The following GRM8 variants were observed in gnomAD, a reference collection of about 807,000 sequenced individuals.
GRM8 encodes glutamate metabotropic receptor 8.
In GRM8, 47 loss-of-function variants were observed where a neutral mutation model predicts 87.2. The ratio of observed to expected loss-of-function variants is 0.54; its 90% CI spans 0.43 to 0.69. GRM8 has a LOEUF of 0.69. Among genes scored for constraint, GRM8 ranks in the 30% least tolerant of loss-of-function variants. The pLI, the probability that GRM8 is intolerant of heterozygous loss-of-function variation, is 0.00. For missense variants in GRM8, 1,019 were observed against 1,139.2 expected, an observed-to-expected ratio of 0.89 and a Z score of 1.52; for synonymous variants, 396 against 404.5, an observed-to-expected ratio of 0.98 and a Z score of 0.25.
At chr7:127,071,790 A>T (rs1821717837) in intron 3 of GRM8, among the ~76,000 whole-genome samples, 1 of 151,138 alleles carries the variant, frequency 6.6e-6, no homozygotes, top group South Asian at 2.1e-4. Context: ...ATATATACAT[A>T]TTTTTTTTTG....
chr7:126,950,608 T>G (rs950948623), intron 3 of GRM8, among the ~76,000 whole-genome samples: 2 of 152,158 alleles, frequency 1.3e-5, no homozygotes, highest in Non-Finnish European at 2.9e-5. Context: ...GAGTAAAAAT[T>G]AGTACATTTA....
At chr7:126,626,992 G>A (rs1392654234) in intron 7 of GRM8, among the ~76,000 whole-genome samples, 1 of 152,102 alleles carries the variant, frequency 6.6e-6, no homozygotes. Flanking sequence ...TCCTAACCAT[G>A]TGTATTGCTT....
chr7:127,103,603 A>G (rs1444397874), intron 3 of GRM8, among the ~76,000 whole-genome samples: 1 of 152,196 alleles, frequency 6.6e-6, no homozygotes, highest in Non-Finnish European at 1.5e-5. Flanking sequence ...ACACACCTCC[A>G]TTGTCTAGAA....
At chr7:127,100,518 A>G (rs1251552206) in intron 3 of GRM8, among the ~76,000 whole-genome samples, 1 of 152,162 alleles carries the variant, frequency 6.6e-6, no homozygotes, top group African/African-American at 2.4e-5. Flanking sequence ...ACAAAGATAT[A>G]CCCAAGACTG....
At chr7:126,471,800 A>G (rs1048783815) in intron 9 of GRM8, among the ~76,000 whole-genome samples, 48 of 151,822 alleles carry the variant, frequency 3.2e-4, no homozygotes, top group Non-Finnish European at 6.5e-4. Flanking sequence ...CATTTTCATG[A>G]TATTGATTCT....
intron 6 of GRM8, among the ~76,000 whole-genome samples, chr7:126,889,790 C>T (rs56007384): frequency 0.025 from 3,803 of 152,038 alleles, 146 homozygotes; most frequent in African/African-American, 0.086. Flanking sequence ...TGACTTAATT[C>T]AGAATTTCTA....
intron 6 of GRM8, among the ~76,000 whole-genome samples, chr7:126,876,221 A>G (rs112202155): frequency 0.011 from 1,635 of 152,240 alleles, 21 homozygotes; most frequent in African/African-American, 0.037. Flanking sequence ...GCTAGAAACC[A>G]TGTCTTAATT....
At chr7:127,222,967 G>T (rs188738590) in intron 2 of GRM8, among the ~76,000 whole-genome samples, 3 of 152,106 alleles carry the variant, frequency 2.0e-5, no homozygotes, top group South Asian at 4.1e-4. Context: ...ATTAATGGAC[G>T]TTCTCAAAAG....
intron 9 of GRM8, among the ~76,000 whole-genome samples, chr7:126,492,018 C>G (rs1220554607): frequency 6.6e-6 from 1 of 152,080 alleles, no homozygotes; most frequent in African/African-American, 2.4e-5. Flanking sequence ...TTCCCACAAG[C>G]CTTAAAAATT....
chr7:126,864,822 TC>T, intron 6 of GRM8, among the ~76,000 whole-genome samples: 1 of 152,292 alleles, frequency 6.6e-6, no homozygotes, highest in African/African-American at 2.4e-5. Flanking sequence ...AGAAATCATT[TC>T]TATAGTACAA....
chr7:127,213,689 C>T (rs1796355971), intron 2 of GRM8, among the ~76,000 whole-genome samples: 1 of 152,192 alleles, frequency 6.6e-6, no homozygotes, highest in African/African-American at 2.4e-5. Context: ...TTCCAAATCA[C>T]TGATTCTTTC....
intron 2 of GRM8, among the ~76,000 whole-genome samples, chr7:127,206,518 A>G (rs1039955532): frequency 3.3e-5 from 5 of 152,006 alleles, no homozygotes; most frequent in African/African-American, 1.2e-4. Flanking sequence ...GATATATATG[A>G]AAATGGTTTT....
intron 3 of GRM8, among the ~76,000 whole-genome samples, chr7:126,977,692 A>AT (rs1482855219): frequency 6.6e-6 from 1 of 152,234 alleles, no homozygotes; most frequent in Admixed American, 6.5e-5. Context: ...AAACGGTGTT[A>AT]ACTAGTGCAT....
chr7:126,806,301 G>A (rs1792699441), intron 6 of GRM8, among the ~76,000 whole-genome samples: 1 of 152,204 alleles, frequency 6.6e-6, no homozygotes, highest in Non-Finnish European at 1.5e-5. Context: ...TGGGTTCGTG[G>A]TCTCGCGGCC....
intron 2 of GRM8, among the ~76,000 whole-genome samples, chr7:127,178,187 C>T (rs1250581241): frequency 6.6e-6 from 1 of 152,080 alleles, no homozygotes; most frequent in Non-Finnish European, 1.5e-5. Flanking sequence ...TTTAGACACA[C>T]TTTTAGAAAT....
chr7:127,129,871 G>A (rs2133218352), intron 2 of GRM8, among the ~76,000 whole-genome samples: 1 of 152,256 alleles, frequency 6.6e-6, no homozygotes, highest in East Asian at 1.9e-4. Flanking sequence ...TCATTTCTCA[G>A]TAATAGAATT....
chr7:127,052,960 A>G (rs922339665), intron 3 of GRM8, among the ~76,000 whole-genome samples: 7 of 152,156 alleles, frequency 4.6e-5, no homozygotes, highest in African/African-American at 1.7e-4. Context: ...CTAATTTATT[A>G]TTTACTACAA....
intron 2 of GRM8, among the ~76,000 whole-genome samples, chr7:127,207,724 C>G (rs180877676): frequency 3.2e-4 from 48 of 152,230 alleles, no homozygotes; most frequent in Non-Finnish European, 5.0e-4. Flanking sequence ...CCAGACCCGT[C>G]TCATTACATC....
chr7:127,040,778 A>G (rs1818360069), intron 3 of GRM8, among the ~76,000 whole-genome samples: 1 of 152,172 alleles, frequency 6.6e-6, no homozygotes, highest in Admixed American at 6.5e-5. Context: ...TCTGCTTCTC[A>G]CCTTTCAAGC....
Sources: allele counts gnomAD v4.1 joint callset (sites outside exome capture counted in the v4.1 genomes callset), GRCh38; gene constraint gnomAD v4.1.1; transcripts MANE v1.5; gene names NCBI Gene and HGNC (gene_info 2026-07-23, HGNC 2026-07-21).